The following ASIC2 variants were observed in gnomAD, a reference collection of about 807,000 sequenced individuals.
ASIC2 encodes acid-sensing ion channel 2.
Under a neutral mutation model 57.3 loss-of-function variants are expected in ASIC2, and 25 were observed. That is an observed-to-expected ratio of 0.44 (90% CI 0.32 to 0.61). ASIC2 has a LOEUF of 0.61. ASIC2 is among the 20% of genes least tolerant of loss of function. ASIC2 has a pLI of 0.06. For missense variants in ASIC2, 641 were observed against 738.1 expected, an observed-to-expected ratio of 0.87 and a Z score of 1.52; for synonymous variants, 319 against 307.5, an observed-to-expected ratio of 1.04 and a Z score of -0.39.
At chr17:33,258,487 C>T (rs1183905736) in intron 1 of ASIC2, among the ~76,000 whole-genome samples, 1 of 152,132 alleles carries the variant, frequency 6.6e-6, no homozygotes, top group Non-Finnish European at 1.5e-5. Context: ...CCAGGAAGTG[C>T]ACTGGAGCAG....
chr17:33,732,066 C>T (rs1442340446), intron 1 of ASIC2, among the ~76,000 whole-genome samples: 1 of 152,140 alleles, frequency 6.6e-6, no homozygotes, highest in African/African-American at 2.4e-5. Flanking sequence ...TGGCCATCTC[C>T]ACCAAAATTG....
At position 33,928,435 on chromosome 17, in the gene ASIC2, G is replaced by A. The variant is rs114651144; in HGVS notation, c.555+227543C>T. The stretch of plus-strand genomic sequence containing the variant: ...CTTTGTGGAGAATCACTGCTCTAAG[G>A]TGACCCATGCCTCCTCCCATATCCT... On this transcript the variant is annotated intron_variant, in intron 1 of 9. Transcript: ENST00000359872. Among the ~76,000 whole-genome samples, 1,136 of 152,202 alleles carry A rather than the reference G, an allele frequency of 7.5e-3. 21 individuals are homozygous for A. The highest frequency in any genetic ancestry group is 0.025 in the African/African-American group (1,054 of 41,520).
chr17:34,040,314 G>A (rs1266162770), intron 1 of ASIC2, among the ~76,000 whole-genome samples: 2 of 148,966 alleles, frequency 1.3e-5, no homozygotes, highest in African/African-American at 5.0e-5. Context: ...AATCCGGATC[G>A]GTTCGGTCCG....
chr17:33,192,584 C>A (rs1179404266), intron 1 of ASIC2, among the ~76,000 whole-genome samples: 1 of 152,196 alleles, frequency 6.6e-6, no homozygotes, highest in Non-Finnish European at 1.5e-5. Flanking sequence ...AGATCCCTCA[C>A]CTCCTAACGT....
Position 33,470,327 on chromosome 17 carries a change from T to C in ASIC2, c.556-358260A>G, listed in dbSNP as rs548488438. On this transcript the variant is annotated intron_variant, in intron 1 of 9. Transcript: ENST00000359872. ...AATTTGCCTGTGACCAGATCCCTTT[T>C]AGACCCTCTGTTTCAGGAGCCCTGG... is the stretch of plus-strand genomic sequence containing the variant. 4.1e-3 allele frequency among the ~76,000 whole-genome samples: 629 copies of C among 152,328 alleles called. 4 individuals are homozygous for C. Among genetic ancestry groups the C allele is most frequent in the Non-Finnish European group, 6.9e-3 (469 of 68,034 alleles).
At chr17:34,124,723 G>A (rs149358946) in intron 1 of ASIC2, among the ~76,000 whole-genome samples, 194 of 152,224 alleles carry the variant, frequency 1.3e-3, no homozygotes, top group African/African-American at 4.5e-3. Context: ...CAGTTTATAC[G>A]TGGCTGCTTT....
At chr17:34,126,295 T>G (rs1911779065) in intron 1 of ASIC2, among the ~76,000 whole-genome samples, 1 of 152,332 alleles carries the variant, frequency 6.6e-6, no homozygotes, top group African/African-American at 2.4e-5. Flanking sequence ...AGGCATCATC[T>G]GTGACAGTTA....
At chr17:33,879,696 C>T (rs940923384) in intron 1 of ASIC2, among the ~76,000 whole-genome samples, 14 of 152,118 alleles carry the variant, frequency 9.2e-5, no homozygotes, top group East Asian at 1.9e-4. Context: ...GACACATCAA[C>T]GAGACAGAAA....
chr17:33,510,059 C>T (rs1914385278), intron 1 of ASIC2, among the ~76,000 whole-genome samples: 1 of 152,172 alleles, frequency 6.6e-6, no homozygotes, highest in East Asian at 1.9e-4. Context: ...TAGCACAGAG[C>T]AGTGAAGTGA....
intron 1 of ASIC2, among the ~76,000 whole-genome samples, chr17:34,084,966 C>T (rs972537470): frequency 1.3e-5 from 2 of 152,176 alleles, no homozygotes; most frequent in Non-Finnish European, 2.9e-5. Context: ...TCTAGATATA[C>T]AATCATGTTG....
chr17:33,312,427 A>G (rs1172977526), intron 1 of ASIC2, among the ~76,000 whole-genome samples: 1 of 152,166 alleles, frequency 6.6e-6, no homozygotes, highest in Non-Finnish European at 1.5e-5. Flanking sequence ...TTCTTCTCTC[A>G]AAGCACAGTA....
intron 1 of ASIC2, among the ~76,000 whole-genome samples, chr17:33,913,935 A>G (rs1915526197): frequency 6.6e-6 from 1 of 152,260 alleles, no homozygotes; most frequent in African/African-American, 2.4e-5. Flanking sequence ...TCTATTTTAT[A>G]AATCAGGAAA....
chr17:33,034,543 C>T (rs1422122250), intron 3 of ASIC2, among the ~76,000 whole-genome samples: 1 of 152,118 alleles, frequency 6.6e-6, no homozygotes, highest in African/African-American at 2.4e-5. Context: ...ACTTAAAAAA[C>T]CTATAATGTC....
chr17:33,898,317 C>G lies in ASIC2; in HGVS notation c.555+257661G>C, dbSNP rs1176632423. On this transcript the variant is annotated intron_variant, in intron 1 of 9. Transcript: ENST00000359872. The stretch of plus-strand genomic sequence containing the variant: ...GTGGCGGGATCTTGGCTCACTGCAA[C>G]CTCCGCCTCCCAGATTCAAGCTATT... Among the ~76,000 whole-genome samples the G allele has an allele frequency of 4.6e-4, 65 of 140,736 alleles. No individual in the cohort carries two copies. In the Admixed American group the frequency reaches 5.0e-3, roughly 11 times the overall value. 92.3% of individuals were successfully genotyped at this position (140,736 alleles called of 152,430 possible). A position where few individuals can be genotyped will look rare whatever the true frequency, so the allele number is the denominator to read the frequency against.
intron 1 of ASIC2, among the ~76,000 whole-genome samples, chr17:33,817,376 C>A (rs1350672989): frequency 1.3e-5 from 2 of 152,154 alleles, no homozygotes. Flanking sequence ...TGAGTTCTGC[C>A]TTGCCTTTGT....
intron 1 of ASIC2, among the ~76,000 whole-genome samples, chr17:34,082,642 C>A (rs1909932759): frequency 6.6e-6 from 1 of 152,222 alleles, no homozygotes; most frequent in Admixed American, 6.5e-5. Flanking sequence ...ATAATGACAA[C>A]CTCCACAACA....
At chr17:33,594,782 C>T (rs1310389270) in intron 1 of ASIC2, among the ~76,000 whole-genome samples, 4 of 150,016 alleles carry the variant, frequency 2.7e-5, no homozygotes, top group East Asian at 2.0e-4. Flanking sequence ...GAGCCTAGAT[C>T]GCACCACTGC....
intron 1 of ASIC2, among the ~76,000 whole-genome samples, chr17:33,793,059 T>A (rs1911817926): frequency 1.3e-5 from 2 of 152,196 alleles, no homozygotes; most frequent in Non-Finnish European, 2.9e-5. Flanking sequence ...TTTCAAACAG[T>A]ACCTGTTAGA....
chr17:33,241,289 A>G (rs1384728244), intron 1 of ASIC2, among the ~76,000 whole-genome samples: 1 of 152,252 alleles, frequency 6.6e-6, no homozygotes, highest in Non-Finnish European at 1.5e-5. Flanking sequence ...GGAAAACACA[A>G]GCAAACCAAT....
Sources: allele counts gnomAD v4.1 joint callset (sites outside exome capture counted in the v4.1 genomes callset), GRCh38; gene constraint gnomAD v4.1.1; transcripts MANE v1.5; gene names NCBI Gene and HGNC (gene_info 2026-07-23, HGNC 2026-07-21).